Variants in SHISA9 observed in about 807,000 individuals in gnomAD.
SHISA9 encodes protein shisa-9.
A neutral mutation model predicts 38.0 loss-of-function variants in SHISA9; 13 were observed. That is an observed-to-expected ratio of 0.34 (90% CI 0.22 to 0.54). SHISA9 has a LOEUF of 0.54. Among genes scored for constraint, SHISA9 ranks in the 20% least tolerant of loss-of-function variants. The probability of loss-of-function intolerance (pLI) is 0.91; values close to 1 mark genes in which losing one functional copy is unlikely to be tolerated. For missense variants in SHISA9, 538 were observed against 575.8 expected (o/e 0.93, Z 0.67); for synonymous variants, 275 against 242.0 (o/e 1.14, Z -1.27).
At chr16:13,006,329 C>A (rs1596579198) in intron 2 of SHISA9, among the ~76,000 whole-genome samples, 1 of 143,882 alleles carries the variant, frequency 7.0e-6, no homozygotes, top group African/African-American at 3.0e-5. Context: ...GAGCCATGGG[C>A]AGCGGGGAAA....
chr16:13,277,763 A>G, the SHISA9 span, among the ~76,000 whole-genome samples: 8 of 151,984 alleles, frequency 5.3e-5, no homozygotes, highest in African/African-American at 1.2e-4. Flanking sequence ...ATTTGTGTAC[A>G]TTAATCTCAT....
chr16:13,026,828 G>GAT (rs2072928300), intron 2 of SHISA9, among the ~76,000 whole-genome samples: 1 of 151,978 alleles, frequency 6.6e-6, no homozygotes, highest in South Asian at 2.1e-4. Flanking sequence ...CTAACAAGTA[G>GAT]CCATGATGCT....
chr16:12,987,602 G>C (rs1485890143), intron 2 of SHISA9, among the ~76,000 whole-genome samples: 1 of 152,152 alleles, frequency 6.6e-6, no homozygotes, highest in Non-Finnish European at 1.5e-5. Flanking sequence ...CAGGGAAGCT[G>C]GGGGAGGGAG....
chr16:13,365,630 T>A, the SHISA9 span, among the ~76,000 whole-genome samples: 447 of 152,156 alleles, frequency 2.9e-3, 2 homozygotes, highest in African/African-American at 9.8e-3. Flanking sequence ...CTAATTTTTT[T>A]ATATTTTTTA....
At chr16:13,076,231 A>G (rs111559176) in intron 2 of SHISA9, among the ~76,000 whole-genome samples, 5,189 of 152,078 alleles carry the variant, frequency 0.034, 299 homozygotes, top group African/African-American at 0.12. Context: ...GGATTTCATC[A>G]TGTTGGCCAG....
chr16:13,231,191 C>T (rs554670781), intron 4 of SHISA9, among the ~76,000 whole-genome samples: 1 of 152,242 alleles, frequency 6.6e-6, no homozygotes, highest in South Asian at 2.1e-4. Flanking sequence ...ACCATTGCTC[C>T]CAAGTTTCTG....
At chr16:13,280,273 G>T in the SHISA9 span, among the ~76,000 whole-genome samples, 1 of 151,372 alleles carries the variant, frequency 6.6e-6, no homozygotes, top group African/African-American at 2.4e-5. Context: ...GAAGACCAGT[G>T]CTCTAACCTC....
At chr16:13,543,640 A>G in the SHISA9 span, among the ~76,000 whole-genome samples, 70 of 152,232 alleles carry the variant, frequency 4.6e-4, no homozygotes, top group African/African-American at 1.5e-3. Flanking sequence ...GTGTTCATGC[A>G]CAGAGTCCGT....
the SHISA9 span, among the ~76,000 whole-genome samples, chr16:13,360,444 C>T: frequency 6.6e-6 from 1 of 152,118 alleles, no homozygotes; most frequent in African/African-American, 2.4e-5. Context: ...GCGGTTTCCC[C>T]CATGCTCTTC....
chr16:13,019,961 CTCCTTCTT>C lies in SHISA9; in HGVS notation c.691+103153_691+103160del, dbSNP rs1427497595. Among the ~76,000 whole-genome samples, 102 of 33,022 alleles carry C rather than the reference CTCCTTCTT, an allele frequency of 3.1e-3. 4 individuals carry two copies. The highest frequency in any genetic ancestry group is 4.9e-3 in the Non-Finnish European group (79 of 16,200). 21.7% of individuals were successfully genotyped at this position (33,022 alleles called of 152,430 possible). ...TTTCTTTCTTTCTTTCTTTCTTTCC[CTCCTTCTT>C]TCCTTCCTTCCTTCCTTCCTTCCTT... is the stretch of plus-strand genomic sequence containing the variant. On this transcript the variant is annotated intron_variant, in intron 2 of 4. Coordinates refer to ENST00000558583, the MANE Select transcript of SHISA9 (RefSeq NM_001145204.3).
chr16:12,927,291 T>C (rs1027142082), intron 2 of SHISA9, among the ~76,000 whole-genome samples: 2 of 152,234 alleles, frequency 1.3e-5, no homozygotes, highest in Non-Finnish European at 2.9e-5. Flanking sequence ...AGTATAATCA[T>C]AATCTGAATA....
chr16:12,976,216 T>C (rs1032749629), intron 2 of SHISA9, among the ~76,000 whole-genome samples: 1 of 152,116 alleles, frequency 6.6e-6, no homozygotes, highest in African/African-American at 2.4e-5. Flanking sequence ...GCCTCCCGAC[T>C]AGCTGGAGCC....
At chr16:13,345,127 C>A in the SHISA9 span, among the ~76,000 whole-genome samples, 4 of 152,096 alleles carry the variant, frequency 2.6e-5, no homozygotes, top group African/African-American at 9.7e-5. Flanking sequence ...TTTATTTTAA[C>A]TTCAGGATAC....
At chr16:13,234,442 A>G (rs957360027) in intron 4 of SHISA9, among the ~76,000 whole-genome samples, 2 of 152,252 alleles carry the variant, frequency 1.3e-5, no homozygotes, top group East Asian at 1.9e-4. Context: ...ATGTTAAGTA[A>G]TTTAGTCAAG....
chr16:13,364,768 G>A, the SHISA9 span, among the ~76,000 whole-genome samples: 1 of 152,184 alleles, frequency 6.6e-6, no homozygotes, highest in Non-Finnish European at 1.5e-5. Context: ...TAATATGAAT[G>A]ACAGTTATAA....
intron 4 of SHISA9, among the ~76,000 whole-genome samples, chr16:13,217,290 T>C (rs2051179320): frequency 6.6e-6 from 1 of 151,746 alleles, no homozygotes; most frequent in Non-Finnish European, 1.5e-5. Flanking sequence ...AATAAATAAA[T>C]AAATAAATTA....
chr16:13,504,791 T>C, the SHISA9 span, among the ~76,000 whole-genome samples: 6 of 152,316 alleles, frequency 3.9e-5, no homozygotes, highest in East Asian at 1.2e-3. Flanking sequence ...ACATCATCTC[T>C]ATAAGAAGTA....
chr16:13,069,897 G>A (rs1293917941), intron 2 of SHISA9, among the ~76,000 whole-genome samples: 1 of 152,102 alleles, frequency 6.6e-6, no homozygotes, highest in Non-Finnish European at 1.5e-5. Context: ...TATGAGGAAT[G>A]AGTCCTCATC....
intron 2 of SHISA9, among the ~76,000 whole-genome samples, chr16:13,122,245 C>A (rs370114607): frequency 6.6e-6 from 1 of 152,188 alleles, no homozygotes; most frequent in Non-Finnish European, 1.5e-5. Flanking sequence ...CAGTCACTGC[C>A]GAATTCTTTT....
Sources: allele counts gnomAD v4.1 joint callset (sites outside exome capture counted in the v4.1 genomes callset), GRCh38; gene constraint gnomAD v4.1.1; transcripts MANE v1.5; gene names NCBI Gene and HGNC (gene_info 2026-07-23, HGNC 2026-07-21).